The following YIPF7 variants were observed in gnomAD, a reference collection of about 807,000 sequenced individuals.
The protein encoded by YIPF7 is Yip1 domain family member 7, also known as protein YIPF7.
Under a neutral mutation model 27.2 loss-of-function variants are expected in YIPF7, and 35 were observed. The observed-to-expected ratio is 1.29, with a 90% CI of 0.98 to 1.70. The LOEUF is 1.70. YIPF7 is among the 40% of genes most tolerant of loss of function. The probability of loss-of-function intolerance (pLI) is 0.00; values close to 1 mark genes in which losing one functional copy is unlikely to be tolerated. For synonymous variants in YIPF7, 137 were observed against 110.4 expected (o/e 1.24, Z -1.51); for missense variants, 358 against 303.7 (o/e 1.18, Z -1.33).
At chr4:44,655,423 C>T (rs892050606), upstream of YIPF7, among the ~76,000 whole-genome samples, 6 of 151,934 alleles carry the variant, frequency 3.9e-5, no homozygotes, top group Non-Finnish European at 5.9e-5. Flanking sequence ...TACTCTGTTT[C>T]TTCAAAAATA....
At chr4:44,629,570 A>G (rs6813809) in intron 3 of YIPF7, 22 bp from the exon 4 acceptor site, 558,649 of 1,484,334 alleles carry the variant, frequency 0.38, 107,214 homozygotes, top group East Asian at 0.53. Context: ...AAAAAAGATA[A>G]ATAATATGAT....
Position 44,622,572 on chromosome 4 carries a change from T to C in YIPF7, c.613A>G (p.Ile205Val). 1.2e-6 allele frequency: 2 copies of C among 1,613,074 alleles called. No homozygotes were observed. The highest frequency in any genetic ancestry group is 1.7e-6 in the Non-Finnish European group (2 of 1,179,592). ...GCAMFFSLQG[I>V]FGIMSSLVII... Reference sequence around the variant, plus strand: ...ACCAGGGATGACATGATTCCAAAGATGCCCCTGCAGCAAAGACAAAGAAAT... The same window carrying C: ...ACCAGGGATGACATGATTCCAAAGACGCCCCTGCAGCAAAGACAAAGAAAT... The change falls in exon 6 of 6, where the codon ATC (isoleucine) becomes GTC (valine). Residue 205 changes from isoleucine (I) to valine (V), a missense_variant. Physicochemically the swap from Ile to Val is conservative, Grantham distance 29 (BLOSUM62 3). Transcript: ENST00000415895.
At chr4:44,649,060 C>T (rs929870719) in intron 2 of YIPF7, among the ~76,000 whole-genome samples, 2 of 152,092 alleles carry the variant, frequency 1.3e-5, no homozygotes, top group African/African-American at 2.4e-5. Flanking sequence ...AATTCTTCAA[C>T]ATAAAATTGC....
chr4:44,624,255 G>A (rs932649897), intron 5 of YIPF7, among the ~76,000 whole-genome samples: 10 of 151,656 alleles, frequency 6.6e-5, no homozygotes, highest in Admixed American at 6.6e-4. Flanking sequence ...GTAGAGATGG[G>A]GTTTCTCCAC....
rs1712481523 is a variant in YIPF7, at chr4:44,622,559, A to G, written c.626T>C (p.Met209Thr). 1 of 1,613,410 alleles carries G rather than the reference A, an allele frequency of 6.2e-7. No individual in the cohort carries two copies. The highest frequency in any genetic ancestry group is 1.7e-5 in the Admixed American group (1 of 59,922). Residue 209 changes from methionine (M) to threonine (T), a missense_variant, in exon 6 of 6, where the codon ATG (methionine) becomes ACG (threonine). Met to Thr is a moderately conservative substitution (Grantham distance 81). Transcript: ENST00000415895. Reference protein sequence around the residue: ...FFSLQGIFGIMSSLVIIGWCS... With the variant: ...FFSLQGIFGITSSLVIIGWCS... ...CCAGCCAATGATGACCAGGGATGACATGATTCCAAAGATGCCCCTGCAGCA... is the reference window on the plus strand; with the variant it reads ...CCAGCCAATGATGACCAGGGATGACGTGATTCCAAAGATGCCCCTGCAGCA...
chr4:44,646,320 C>A (rs907594602), intron 2 of YIPF7, among the ~76,000 whole-genome samples: 6 of 152,130 alleles, frequency 3.9e-5, no homozygotes, highest in African/African-American at 1.4e-4. Flanking sequence ...GGATAGTTGG[C>A]TTCTGCAACA....
At position 44,660,437 on chromosome 4, in the gene YIPF7, T is replaced by C. The variant is rs140694926; in HGVS notation, c.-2+12A>G. On this transcript the variant is annotated intron_variant, in intron 2 of 2. Transcript: ENST00000508947. The stretch of plus-strand genomic sequence containing the variant: ...ACTTGTTCTTTGAGTCCGACTGCCA[T>C]GTAATAAGTACCTGAGATTGTGATG... 3.9e-5 allele frequency: 6 copies of C among 152,238 alleles called. No homozygotes were observed. The East Asian group carries it at 9.7e-4, about 25-fold the overall frequency. 9.4% of individuals were successfully genotyped at this position (152,238 alleles called of 1,614,324 possible).
At chr4:44,654,629 A>T (rs955810967), upstream of YIPF7, among the ~76,000 whole-genome samples, 1 of 151,962 alleles carries the variant, frequency 6.6e-6, no homozygotes, top group Non-Finnish European at 1.5e-5. Context: ...AGACATTTCA[A>T]ACTTAACATA....
chr4:44,629,442 GGGTCCAGTGA>G lies in YIPF7; in HGVS notation c.377_386del (p.Leu126ProfsTer6). On this transcript the variant is annotated frameshift_variant, in exon 4 of 6. Transcript: ENST00000415895. LOFTEE classifies it high-confidence loss of function. ...CTCCCAGGGCTACGCAAAAAAGAAT[GGGTCCAGTGA>G]GGTCCGTTTCATTCATAATGCTGCC... The G allele has an allele frequency of 6.3e-7, 1 of 1,599,032 alleles. No individual in the cohort carries two copies. Among genetic ancestry groups the G allele is most frequent in the Non-Finnish European group, 8.5e-7 (1 of 1,172,472 alleles).
chr4:44,624,946 G>T (rs1291940810), intron 4 of YIPF7, among the ~76,000 whole-genome samples, 164 bp from the exon 5 acceptor site: 2 of 152,020 alleles, frequency 1.3e-5, no homozygotes, highest in African/African-American at 4.8e-5. Flanking sequence ...CATGGCCAAT[G>T]GTTTGAATTC....
chr4:44,644,366 T>C (rs1390059937), intron 2 of YIPF7, among the ~76,000 whole-genome samples: 1 of 152,182 alleles, frequency 6.6e-6, no homozygotes, highest in Non-Finnish European at 1.5e-5. Flanking sequence ...AAGTATCTCA[T>C]AATGTTTTAA....
chr4:44,624,689 C>A lies in YIPF7; in HGVS notation c.520G>T (p.Val174Leu), dbSNP rs1323762362. The change falls in exon 5 of 6, where the codon GTG (valine) becomes TTG (leucine). Residue 174 changes from valine (V) to leucine (L), a missense_variant. Coordinates refer to ENST00000415895, the MANE Select transcript of YIPF7 (RefSeq NM_182592.3). ...ALLNLMSSSGVSYGCVASVLG... is the reference protein window; with the variant it reads ...ALLNLMSSSGLSYGCVASVLG... ...ACGCTGGCCACACAGCCGTACGACACCCCTGAAGAGCTCATCAGGTTCAGC... is the reference window on the plus strand; with the variant it reads ...ACGCTGGCCACACAGCCGTACGACAACCCTGAAGAGCTCATCAGGTTCAGC... 5 of 1,609,610 alleles carry A rather than the reference C, an allele frequency of 3.1e-6. No homozygotes were observed. The highest frequency in any genetic ancestry group is 1.7e-5 in the Admixed American group (1 of 59,546).
At chr4:44,651,877 T>A (rs551094168), upstream of YIPF7, among the ~76,000 whole-genome samples, 1 of 152,336 alleles carries the variant, frequency 6.6e-6, no homozygotes, top group South Asian at 2.1e-4. Context: ...GATCATTTAT[T>A]TGAGGCAAGC....
At position 44,622,277 on chromosome 4, in the gene YIPF7, G is replaced by T; in HGVS notation, c.*137C>A. 9.0e-7 allele frequency: 1 copy of T among 1,110,030 alleles called. No homozygotes were observed. Among genetic ancestry groups the T allele is most frequent in the Non-Finnish European group, 1.3e-6 (1 of 788,984 alleles). 68.8% of individuals were successfully genotyped at this position (1,110,030 alleles called of 1,614,324 possible). On this transcript the variant is annotated 3_prime_UTR_variant, in exon 6 of 6. Transcript: ENST00000415895. ...CAGGCTATTAGAGCACCACCCTTAA[G>T]TGCTGCTTTGTCTCTCTGCTTATTA...
chr4:44,628,145 G>A (rs1334927062), intron 4 of YIPF7, among the ~76,000 whole-genome samples: 2 of 152,128 alleles, frequency 1.3e-5, no homozygotes, highest in African/African-American at 4.8e-5. Context: ...CTGTGACAAA[G>A]ACAGAAGAAG....
rs370317024 is a variant in YIPF7 at position 44,624,714 on chromosome 4, C to T, written c.495G>A (p.Leu165=). The change falls in exon 5 of 6, where the codon TTG becomes TTA. Residue 165 remains leucine (L), a synonymous_variant. Coordinates refer to ENST00000415895, the MANE Select transcript of YIPF7 (RefSeq NM_182592.3). ...CCCCTGAAGAGCTCATCAGGTTCAG[C>T]AAGGCATGAATCACAAGGCAGCCAA... The part of the protein sequence containing the change: ...SAIGCLVIHA[L]LNLMSSSGVS... The T allele has an allele frequency of 6.2e-7, 1 of 1,611,084 alleles. No homozygotes were observed.
intron 3 of YIPF7, among the ~76,000 whole-genome samples, chr4:44,634,216 C>G (rs1713025157): frequency 6.6e-6 from 1 of 152,186 alleles, no homozygotes; most frequent in South Asian, 2.1e-4. Context: ...TATTTAATGA[C>G]TTTAAAGAAT....
intron 1 of YIPF7, among the ~76,000 whole-genome samples, chr4:44,661,987 T>C (rs1714051613): frequency 6.6e-6 from 1 of 152,210 alleles, no homozygotes; most frequent in Admixed American, 6.5e-5. Flanking sequence ...TAATGCTCTT[T>C]CTTTCTTGTT....
chr4:44,623,212 G>A (rs1057368834), intron 5 of YIPF7, among the ~76,000 whole-genome samples: 3 of 152,214 alleles, frequency 2.0e-5, no homozygotes, highest in Non-Finnish European at 4.4e-5. Flanking sequence ...AGGCAAGTGA[G>A]CAAATAAGAT....
Sources: allele counts gnomAD v4.1 joint callset (sites outside exome capture counted in the v4.1 genomes callset), GRCh38; gene constraint gnomAD v4.1.1; transcripts MANE v1.5; gene names NCBI Gene and HGNC (gene_info 2026-07-23, HGNC 2026-07-21).